The following TENM2 variants were observed in gnomAD, a reference collection of about 807,000 sequenced individuals.
TENM2 encodes teneurin-2.
In TENM2, 52 loss-of-function variants were observed where a neutral mutation model predicts 245.2. The ratio of observed to expected loss-of-function variants is 0.21; its 90% CI spans 0.17 to 0.27. The LOEUF is 0.27. Ranked by LOEUF, TENM2 falls within the 10% of genes least tolerant of loss-of-function variation. The probability of loss-of-function intolerance (pLI) is 1.00; values close to 1 mark genes in which losing one functional copy is unlikely to be tolerated. For synonymous variants in TENM2, 1,363 were observed against 1,438.9 expected, an observed-to-expected ratio of 0.95 and a Z score of 1.19; for missense variants, 3,046 against 3,666.8, an observed-to-expected ratio of 0.83 and a Z score of 4.37.
chr5:167,959,278 T>C (rs989011095), intron 4 of TENM2, among the ~76,000 whole-genome samples: 10 of 150,396 alleles, frequency 6.6e-5, no homozygotes, highest in African/African-American at 2.4e-4. Flanking sequence ...CACTGCAAGC[T>C]CCGCCTCCCA....
At position 167,738,966 on chromosome 5, in the gene TENM2, G is replaced by A. The variant is rs1760988454; in HGVS notation, c.503-137020G>A. On this transcript the variant is annotated intron_variant, in intron 2 of 28. Transcript: ENST00000518659. Reference sequence around the variant, plus strand: ...TTAGGGCTCCAACATATGAATGGGGGACACCATTCTGTAACAGGGATGAAT... The same window carrying A: ...TTAGGGCTCCAACATATGAATGGGGAACACCATTCTGTAACAGGGATGAAT... 2.6e-5 allele frequency among the ~76,000 whole-genome samples: 4 copies of A among 152,168 alleles called. 1 individual carries two copies. Among genetic ancestry groups the A allele is most frequent in the African/African-American group, 9.7e-5 (4 of 41,430 alleles).
intron 1 of TENM2, among the ~76,000 whole-genome samples, chr5:167,318,093 A>G (rs574546784): frequency 6.6e-6 from 1 of 152,306 alleles, no homozygotes; most frequent in African/African-American, 2.4e-5. Context: ...AGGTTGCAGC[A>G]ACACAGAATG....
At chr5:168,137,189 G>A (rs574727423) in intron 12 of TENM2, among the ~76,000 whole-genome samples, 23 of 152,224 alleles carry the variant, frequency 1.5e-4, no homozygotes, top group Non-Finnish European at 3.4e-4. Flanking sequence ...AAAGAGCTGA[G>A]AATCCTGGGC....
At chr5:167,918,070 GT>G (rs1158329590) in intron 3 of TENM2, among the ~76,000 whole-genome samples, 1 of 152,116 alleles carries the variant, frequency 6.6e-6, no homozygotes, top group Non-Finnish European at 1.5e-5. Flanking sequence ...CACAAAGTTA[GT>G]GCTCCGTGAA....
chr5:167,951,252 C>T (rs759945207), intron 3 of TENM2, among the ~76,000 whole-genome samples: 15 of 152,200 alleles, frequency 9.9e-5, no homozygotes, highest in Non-Finnish European at 1.8e-4. Context: ...CTTGAGCCAA[C>T]TTCTTAAAGC....
At chr5:167,321,613 G>A (rs1283127524) in intron 1 of TENM2, among the ~76,000 whole-genome samples, 1 of 152,008 alleles carries the variant, frequency 6.6e-6, no homozygotes, top group Non-Finnish European at 1.5e-5. Flanking sequence ...AGGTAGAAGG[G>A]GAGCAAAGCA....
chr5:167,114,650 C>T, the TENM2 span, among the ~76,000 whole-genome samples: 1 of 152,086 alleles, frequency 6.6e-6, no homozygotes, highest in Non-Finnish European at 1.5e-5. Context: ...TCTTTATTTG[C>T]TTTCTTTTTA....
chr5:167,143,932 T>C, the TENM2 span, among the ~76,000 whole-genome samples: 1 of 152,100 alleles, frequency 6.6e-6, no homozygotes, highest in African/African-American at 2.4e-5. Context: ...ACTGGCGTTA[T>C]TTTTAAAAAG....
chr5:167,635,665 G>A (rs1297493615), intron 2 of TENM2, among the ~76,000 whole-genome samples: 1 of 60,536 alleles, frequency 1.7e-5, no homozygotes, highest in Admixed American at 3.2e-4. Context: ...TTTTTTTTGA[G>A]ACGGAGTCTC....
At chr5:167,844,249 G>A (rs945192959) in intron 2 of TENM2, among the ~76,000 whole-genome samples, 3 of 152,168 alleles carry the variant, frequency 2.0e-5, no homozygotes, top group African/African-American at 7.2e-5. Flanking sequence ...AACAAGGTCG[G>A]CTTCGACCTT....
the TENM2 span, among the ~76,000 whole-genome samples, chr5:167,214,504 C>A: frequency 6.6e-6 from 1 of 152,176 alleles, no homozygotes; most frequent in African/African-American, 2.4e-5. Flanking sequence ...TCTCCCCTTT[C>A]TTTTCTTAGC....
At chr5:168,213,498 C>G (rs1762942191) in intron 20 of TENM2, among the ~76,000 whole-genome samples, 1 of 152,130 alleles carries the variant, frequency 6.6e-6, no homozygotes, top group Admixed American at 6.6e-5. Flanking sequence ...CTCCCAGCCC[C>G]TGTCTTCCCA....
chr5:167,280,141 C>G (rs923103769), upstream of TENM2, among the ~76,000 whole-genome samples: 4 of 152,162 alleles, frequency 2.6e-5, no homozygotes, highest in Admixed American at 2.6e-4. Context: ...AGTTTCTTCT[C>G]AGATGCCAAG....
At chr5:167,623,031 A>T (rs1041282094) in intron 2 of TENM2, among the ~76,000 whole-genome samples, 1 of 152,184 alleles carries the variant, frequency 6.6e-6, no homozygotes, top group African/African-American at 2.4e-5. Context: ...TCTTTAAAAC[A>T]TCTCTTAAAA....
chr5:167,641,908 C>T (rs144400583), intron 2 of TENM2, among the ~76,000 whole-genome samples: 103 of 151,996 alleles, frequency 6.8e-4, no homozygotes, highest in Non-Finnish European at 1.2e-3. Flanking sequence ...TTTGGGATGC[C>T]GAGGTGGGCG....
intron 2 of TENM2, among the ~76,000 whole-genome samples, chr5:167,728,460 A>G (rs1173619563): frequency 3.3e-5 from 5 of 150,652 alleles, no homozygotes; most frequent in Non-Finnish European, 7.4e-5. Context: ...AAAATAAAAA[A>G]AATTAACGGC....
At chr5:167,541,989 G>T (rs893384643) in intron 2 of TENM2, among the ~76,000 whole-genome samples, 2 of 152,070 alleles carry the variant, frequency 1.3e-5, no homozygotes, top group Admixed American at 1.3e-4. Context: ...TGGTCATGCC[G>T]CCATTTTAGT....
At chr5:167,313,179 A>C (rs1188181259) in intron 1 of TENM2, among the ~76,000 whole-genome samples, 1 of 152,022 alleles carries the variant, frequency 6.6e-6, no homozygotes, top group Non-Finnish European at 1.5e-5. Context: ...CTGGGATTAC[A>C]AGTGCGAGCC....
At chr5:167,197,234 G>C in the TENM2 span, among the ~76,000 whole-genome samples, 1 of 151,994 alleles carries the variant, frequency 6.6e-6, no homozygotes, top group African/African-American at 2.4e-5. Flanking sequence ...GCAGAGCCAG[G>C]GTTCAAACCC....
Sources: gnomAD v4.1 joint callset for allele counts (sites outside exome capture counted in the v4.1 genomes callset) on GRCh38, gnomAD v4.1.1 for gene constraint, MANE v1.5 for transcripts, NCBI Gene and HGNC (gene_info 2026-07-23, HGNC 2026-07-21) for gene names.